COL6A2: variants seen among roughly 807,000 people sequenced by gnomAD.
COL6A2 encodes collagen alpha-2(VI) chain.
In COL6A2, 90 loss-of-function variants were observed where a neutral mutation model predicts 124.9. The ratio of observed to expected loss-of-function variants is 0.72; its 90% CI spans 0.61 to 0.86. The LOEUF (loss-of-function observed/expected upper bound fraction) is 0.86. Ranked by LOEUF, COL6A2 falls within the 40% of genes least tolerant of loss-of-function variation. The probability of loss-of-function intolerance (pLI) is 0.00; values close to 1 mark genes in which losing one functional copy is unlikely to be tolerated. For missense variants in COL6A2, 1,607 were observed against 1,502.5 expected (o/e 1.07, Z -1.15); for synonymous variants, 793 against 618.2 (o/e 1.28, Z -4.19).
chr21:46,115,134 C>G lies in COL6A2; in HGVS notation c.802-738C>G, dbSNP rs559674690. Among the ~76,000 whole-genome samples, 18 of 152,350 alleles carry G rather than the reference C, an allele frequency of 1.2e-4. No individual in the cohort carries two copies. The South Asian group carries it at 3.5e-3, about 30-fold the overall frequency. The stretch of plus-strand genomic sequence containing the variant: ...CACTTGGGGCAGCCTTGGCTGCACA[C>G]AGCAGTGCAGTGACCCGTTCTGTTG... On this transcript the variant is annotated intron_variant, in intron 5 of 27. Coordinates refer to ENST00000300527, the MANE Select transcript of COL6A2 (RefSeq NM_001849.4).
chr21:46,116,394 A>G lies in COL6A2; in HGVS notation c.918A>G (p.Lys306=). 6.2e-7 allele frequency: 1 copy of G among 1,612,868 alleles called. No homozygotes were observed. Among genetic ancestry groups the G allele is most frequent in the Non-Finnish European group, 8.5e-7 (1 of 1,179,952 alleles). The change falls in exon 8 of 28, where the codon AAA becomes AAG. Residue 306 remains lysine, a synonymous_variant. Coordinates refer to ENST00000300527, the MANE Select transcript of COL6A2 (RefSeq NM_001849.4). This position sits in a 1 kb window ranked among gnomAD's most constrained non-coding sequence, Gnocchi z 4.6. The part of the protein sequence containing the change: ...FPGPKGVPGF[K]GEKGEFGADG... ...GCCCCCAGGGCGTTCCTGGCTTCAA[A>G]GGAGAGAAGGTGAGGCTCTTGCCCT...
intron 27 of COL6A2, chr21:46,129,212 C>T (rs769968603): frequency 9.9e-6 from 16 of 1,612,894 alleles, no homozygotes; most frequent in Middle Eastern, 3.3e-4. Context: ...CGTGGCCTGG[C>T]GGCGAGCCCC....
chr21:46,123,776 G>GT (rs1295809957), intron 21 of COL6A2, among the ~76,000 whole-genome samples: 1 of 148,646 alleles, frequency 6.7e-6, no homozygotes, highest in East Asian at 2.0e-4. Flanking sequence ...GGATGGATGG[G>GT]TGAGTGGGTG....
rs201649021 is a variant in COL6A2 at position 46,108,104 on chromosome 21, A to AT, written c.-27-3345dup. ...TCTTTCTCTCTGTCTATATATATAT[A>AT]TATTTTTTTTTCTCTTTTTTAAAAA... On this transcript the variant is annotated intron_variant, in intron 1 of 27. Coordinates refer to ENST00000300527, the MANE Select transcript of COL6A2 (RefSeq NM_001849.4). 2.6e-3 allele frequency among the ~76,000 whole-genome samples: 350 copies of AT among 134,520 alleles called. 3 individuals carry two copies. The highest frequency in any genetic ancestry group is 9.9e-3 in the African/African-American group (326 of 32,998). The allele number at this position is 134,520 out of a possible 152,430, so 88.3% of individuals were successfully genotyped here. A position where few individuals can be genotyped will look rare whatever the true frequency, so the allele number is the denominator to read the frequency against.
Position 46,111,989 on chromosome 21 carries a change from C to A in COL6A2, c.126C>A (p.Asp42Glu), listed in dbSNP as rs2078405372. The A allele has an allele frequency of 6.2e-7, 1 of 1,611,988 alleles. No individual in the cohort carries two copies. Among genetic ancestry groups the A allele is most frequent in the Non-Finnish European group, 8.5e-7 (1 of 1,179,992 alleles). ...ERNNNCPEKT[D>E]CPIHVYFVLD... Reference sequence around the variant, plus strand: ...TCCTGTGCCCCACAGAGAAGACCGACTGCCCCATCCACGTGTACTTCGTGC... The same window carrying A: ...TCCTGTGCCCCACAGAGAAGACCGAATGCCCCATCCACGTGTACTTCGTGC... The change falls in exon 3 of 28, where the codon GAC becomes GAA. Residue 42 changes from aspartate (D) to glutamate (E), a missense_variant. Transcript: ENST00000300527.
chr21:46,100,324 G>GTTTT (rs890487048), intron 1 of COL6A2, among the ~76,000 whole-genome samples: 7 of 151,972 alleles, frequency 4.6e-5, no homozygotes, highest in Non-Finnish European at 8.8e-5. Flanking sequence ...TTGTTTGTTT[G>GTTTT]TTTGTTTGGG....
At chr21:46,125,353 G>C (rs2078644527) in intron 24 of COL6A2, 42 bp downstream of exon 24, 14 of 1,605,264 alleles carry the variant, frequency 8.7e-6, no homozygotes, top group South Asian at 4.4e-5. Context: ...CATGCACCGG[G>C]TGGAGGGCGG....
intron 19 of COL6A2, 49 bp downstream of exon 19, chr21:46,122,207 C>T (rs748738106): frequency 1.8e-4 from 288 of 1,595,024 alleles, no homozygotes; most frequent in Admixed American, 7.1e-4. Flanking sequence ...TGGACATTGT[C>T]CCAAGGGCCC....
chr21:46,105,034 G>C (rs2078322573), intron 1 of COL6A2, among the ~76,000 whole-genome samples: 1 of 152,168 alleles, frequency 6.6e-6, no homozygotes, highest in African/African-American at 2.4e-5. Flanking sequence ...ACGCCAAAGG[G>C]AGTCCTGCGG....
At chr21:46,126,640 C>A (rs915145851) in intron 27 of COL6A2, 99 bp downstream of exon 27, 68 of 1,472,538 alleles carry the variant, frequency 4.6e-5, no homozygotes, top group African/African-American at 1.4e-4. Flanking sequence ...CGTGCAGGGA[C>A]CCGGGGGGCG....
chr21:46,126,248 G>C lies in COL6A2; in HGVS notation c.2422+11G>C. On this transcript the variant is annotated intron_variant, in intron 26 of 27. Transcript: ENST00000300527. The stretch of plus-strand genomic sequence containing the variant: ...ACGTCCTCTGCCCGGGTGAGCGTGT[G>C]GGCGCGGGGCAGTCGGCCGAGGAGC... 2 of 1,597,598 alleles carry C rather than the reference G, an allele frequency of 1.3e-6. No homozygotes were observed. The highest frequency in any genetic ancestry group is 1.7e-6 in the Non-Finnish European group (2 of 1,178,014).
intron 5 of COL6A2, 91 bp from the exon 6 acceptor site, chr21:46,115,781 T>A: frequency 8.6e-7 from 1 of 1,157,554 alleles, no homozygotes; most frequent in Non-Finnish European, 1.3e-6. Context: ...TAACCTCTGC[T>A]GTGTCACCTC....
At chr21:46,111,266 A>C in intron 1 of COL6A2, 184 bp from the exon 2 acceptor site, 1 of 551,564 alleles carries the variant, frequency 1.8e-6, no homozygotes, top group East Asian at 3.0e-5. Context: ...GGGTGGGGCA[A>C]GAGGGCGCAA....
chr21:46,108,077 TC>T (rs1698351098), intron 1 of COL6A2, among the ~76,000 whole-genome samples: 1 of 151,318 alleles, frequency 6.6e-6, no homozygotes, highest in African/African-American at 2.4e-5. Flanking sequence ...TCTTTCTTTC[TC>T]TCTTTCTCTC....
intron 27 of COL6A2, chr21:46,128,980 TC>T (rs2078717961): frequency 6.2e-7 from 1 of 1,608,210 alleles, no homozygotes; most frequent in Admixed American, 1.7e-5. Flanking sequence ...CGTGCGGGTC[TC>T]CTAGCTCCCT....
chr21:46,132,820 G>A lies in COL6A2; in HGVS notation c.*268G>A. The A allele has an allele frequency of 3.6e-6, 2 of 561,894 alleles. No individual in the cohort carries two copies. Among genetic ancestry groups the A allele is most frequent in the Non-Finnish European group, 6.4e-6 (2 of 311,900 alleles). The allele number at this position is 561,894 out of a possible 1,614,324, so 34.8% of individuals were successfully genotyped here. ...ACCTGGCCCCTGAGCTCTGGAGCAA[G>A]CCCTGACCCAATAAAGGCTTTGAAC... is the stretch of plus-strand genomic sequence containing the variant. On this transcript the variant is annotated 3_prime_UTR_variant, in exon 28 of 28. Coordinates refer to ENST00000300527, the MANE Select transcript of COL6A2 (RefSeq NM_001849.4).
chr21:46,103,304 CT>C (rs2123595096), intron 1 of COL6A2, among the ~76,000 whole-genome samples: 1 of 152,088 alleles, frequency 6.6e-6, no homozygotes, highest in Non-Finnish European at 1.5e-5. Flanking sequence ...ATTTGAGTTT[CT>C]TCTTTTTTTC....
intron 1 of COL6A2, among the ~76,000 whole-genome samples, chr21:46,108,835 T>G (rs190241441): frequency 3.8e-4 from 58 of 152,320 alleles, no homozygotes; most frequent in South Asian, 6.2e-4. Flanking sequence ...TTTTCTGGCC[T>G]GAAACCTCTA....
rs374354633 is a variant in COL6A2, at chr21:46,123,495, A to G, written c.1671+558A>G. Among the ~76,000 whole-genome samples, 6 of 152,110 alleles carry G rather than the reference A, an allele frequency of 3.9e-5. 1 individual carries two copies. Among genetic ancestry groups the G allele is most frequent in the Admixed American group, 3.3e-4 (5 of 15,270 alleles). On this transcript the variant is annotated intron_variant, in intron 21 of 27. Coordinates refer to ENST00000300527, the MANE Select transcript of COL6A2 (RefSeq NM_001849.4). ...TCTGGAACTGAGCACAAAACAAGGGATGGATAACGATGGATGGATGGGCAA... is the reference window on the plus strand; with the variant it reads ...TCTGGAACTGAGCACAAAACAAGGGGTGGATAACGATGGATGGATGGGCAA...
Sources: gnomAD v4.1 joint callset for allele counts (sites outside exome capture counted in the v4.1 genomes callset) on GRCh38, gnomAD v4.1.1 for gene constraint, Gnocchi (gnomAD v3.1) non-coding constraint, MANE v1.5 for transcripts, NCBI Gene and HGNC (gene_info 2026-07-23, HGNC 2026-07-21) for gene names.